Variants in CREB1 observed in about 807,000 individuals in gnomAD.
The protein encoded by CREB1 is cyclic AMP-responsive element-binding protein 1.
CREB1 carries 2 observed loss-of-function variants against 42.0 expected under a neutral mutation model. The observed-to-expected ratio is 0.05, with a 90% CI of 0.02 to 0.15. The LOEUF (loss-of-function observed/expected upper bound fraction) is 0.15, where lower values mean the gene tolerates loss of function less well. CREB1 is among the 10% of genes least tolerant of loss of function. The probability of loss-of-function intolerance (pLI) is 1.00; values close to 1 mark genes in which losing one functional copy is unlikely to be tolerated. For missense variants in CREB1, 199 were observed against 388.9 expected, an observed-to-expected ratio of 0.51 and a Z score of 4.11; for synonymous variants, 123 against 139.9, an observed-to-expected ratio of 0.88 and a Z score of 0.85.
Position 207,603,465 on chromosome 2 carries a change from A to G in CREB1, c.*6407A>G, listed in dbSNP as rs147657658. On this transcript the variant is annotated 3_prime_UTR_variant, in exon 8 of 8. Transcript: ENST00000353267. ...TCTTTTTTGGGGATGGGATCTCTAT[A>G]TTTTGTTGGGTTTTTTTTGCTAGTA... 4.4e-3 allele frequency: 978 copies of G among 224,818 alleles called. 5 individuals are homozygous for G. Among genetic ancestry groups the G allele is most frequent in the African/African-American group, 0.02 (918 of 44,948 alleles). 13.9% of individuals were successfully genotyped at this position (224,818 alleles called of 1,614,324 possible).
chr2:207,575,300 G>A lies in CREB1; in HGVS notation c.534G>A (p.Gln178=). The A allele has an allele frequency of 1.2e-6, 2 of 1,614,010 alleles. No homozygotes were observed. Among genetic ancestry groups the A allele is most frequent in the Non-Finnish European group, 1.7e-6 (2 of 1,179,946 alleles). ...CCATTACCCAGGGAGGAGCAATACA[G>A]CTGGCTAACAATGGTACCGATGGGG... ...YIAITQGGAI[Q]LANNGTDGVQ... The change falls in exon 6 of 8, where the codon CAG becomes CAA. Residue 178 remains glutamine, a synonymous_variant. Transcript: ENST00000353267.
At chr2:207,569,999 G>C (rs763745591) in intron 4 of CREB1, among the ~76,000 whole-genome samples, 180 bp from the exon 5 acceptor site, 36 of 129,824 alleles carry the variant, frequency 2.8e-4, no homozygotes, top group Non-Finnish European at 4.6e-4. Context: ...CCAAGATCGC[G>C]CCACTGCACT....
chr2:207,578,916 G>A (rs529210401), intron 7 of CREB1, among the ~76,000 whole-genome samples: 2 of 151,832 alleles, frequency 1.3e-5, no homozygotes, highest in African/African-American at 2.4e-5. Context: ...TCAACCTCCC[G>A]AGTAGCTGGG....
At chr2:207,578,792 C>CT (rs56965769) in intron 7 of CREB1, among the ~76,000 whole-genome samples, 96 of 146,770 alleles carry the variant, frequency 6.5e-4, no homozygotes, top group Middle Eastern at 3.6e-3. Context: ...AGCCAAGTGA[C>CT]TTTTTTTTTT....
intron 2 of CREB1, among the ~76,000 whole-genome samples, 178 bp downstream of exon 2, chr2:207,555,927 A>C (rs1244266084): frequency 6.6e-6 from 1 of 152,220 alleles, no homozygotes; most frequent in African/African-American, 2.4e-5. Context: ...TTAATTCAAT[A>C]ACAGTAAAAT....
rs2082533981 is a variant in CREB1 at position 207,575,388 on chromosome 2, C to T, written c.622C>T (p.Leu208=). Residue 208 remains leucine, a synonymous_variant, in exon 6 of 8, where the codon CTA becomes TTA. Transcript: ENST00000353267. ...AGCCACTCAGCCGGGTACTACCATTCTACAGTATGCACAGACCACTGATGG... is the reference window on the plus strand; with the variant it reads ...AGCCACTCAGCCGGGTACTACCATTTTACAGTATGCACAGACCACTGATGG... ...AAATQPGTTI[L]QYAQTTDGQQ... is the part of the protein sequence containing the mutation. 1.2e-6 allele frequency: 2 copies of T among 1,614,134 alleles called. No homozygotes were observed. The highest frequency in any genetic ancestry group is 1.7e-6 in the Non-Finnish European group (2 of 1,179,996).
chr2:207,574,776 A>T (rs755548943), intron 5 of CREB1, among the ~76,000 whole-genome samples: 25 of 152,358 alleles, frequency 1.6e-4, no homozygotes, highest in Middle Eastern at 3.4e-3. Flanking sequence ...GTTAGGGAAT[A>T]CAATGCACTG....
At chr2:207,573,328 A>T (rs1293893908) in intron 5 of CREB1, among the ~76,000 whole-genome samples, 2 of 152,258 alleles carry the variant, frequency 1.3e-5, no homozygotes, top group Non-Finnish European at 2.9e-5. Flanking sequence ...ATTAGACTTC[A>T]GTTTCCAAAG....
At chr2:207,581,829 T>C (rs2082994808) in intron 7 of CREB1, 2 of 702,080 alleles carry the variant, frequency 2.8e-6, no homozygotes, top group African/African-American at 1.7e-5. Flanking sequence ...CATTTAATTA[T>C]AGTCTCCTTC....
rs1418667730 is a variant in CREB1, at chr2:207,597,043, C to T, written c.969C>T (p.Cys323=). The T allele has an allele frequency of 3.8e-6, 6 of 1,599,052 alleles. No homozygotes were observed. The highest frequency in any genetic ancestry group is 4.3e-6 in the Non-Finnish European group (5 of 1,175,762). ...TAAAAGCACTTAAGGACCTTTACTG[C>T]CACAAATCAGATTAATTTGGGATTT... ...EELKALKDLY[C]HKSD The change falls in exon 8 of 8, where the codon TGC becomes TGT. Residue 323 remains cysteine (C), a synonymous_variant. Transcript: ENST00000353267.
chr2:207,551,965 C>T (rs1474097917), intron 1 of CREB1, among the ~76,000 whole-genome samples: 1 of 135,560 alleles, frequency 7.4e-6, no homozygotes, highest in African/African-American at 2.7e-5. Context: ...TTGCTTGAAC[C>T]TGGGAGGCGG....
At position 207,577,521 on chromosome 2, in the gene CREB1, A is replaced by G. The variant is rs1423658813; in HGVS notation, c.705A>G (p.Val235=). 3 of 1,614,000 alleles carry G rather than the reference A, an allele frequency of 1.9e-6. No homozygotes were observed. Among genetic ancestry groups the G allele is most frequent in the Non-Finnish European group, 2.5e-6 (3 of 1,179,946 alleles). The stretch of plus-strand genomic sequence containing the variant: ...TTTTTTCAGCTGCCTCTGGAGACGT[A>G]CAAACATACCAGATTCGCACAGCAC... The part of the protein sequence containing the change: ...QVVVQAASGD[V]QTYQIRTAPT... The change falls in exon 7 of 8, where the codon GTA becomes GTG. Residue 235 remains valine, a synonymous_variant. Coordinates refer to ENST00000353267, the MANE Select transcript of CREB1 (RefSeq NM_004379.5).
At chr2:207,547,944 A>T (rs920893923) in intron 1 of CREB1, among the ~76,000 whole-genome samples, 48 of 150,038 alleles carry the variant, frequency 3.2e-4, no homozygotes, top group African/African-American at 6.8e-4. Context: ...TTTTTTTTTT[A>T]AATTGAGATG....
At chr2:207,588,268 T>TTTG (rs1474526250) in intron 7 of CREB1, among the ~76,000 whole-genome samples, 2 of 152,212 alleles carry the variant, frequency 1.3e-5, no homozygotes, top group Non-Finnish European at 2.9e-5. Flanking sequence ...GGAACATCCA[T>TTTG]TTGTTCCAGA....
At chr2:207,590,540 A>G (rs1023229440) in intron 7 of CREB1, among the ~76,000 whole-genome samples, 1 of 151,030 alleles carries the variant, frequency 6.6e-6, no homozygotes, top group African/African-American at 2.4e-5. Flanking sequence ...ATTAACTGTA[A>G]ATTTTTTCCT....
At chr2:207,539,518 A>G (rs1284385711) in intron 1 of CREB1, among the ~76,000 whole-genome samples, 3 of 152,228 alleles carry the variant, frequency 2.0e-5, no homozygotes, top group Non-Finnish European at 4.4e-5. Context: ...TAATCGCAAG[A>G]AAATTTATTC....
Position 207,537,850 on chromosome 2 carries a change from A to G in CREB1, c.-9+7716A>G, listed in dbSNP as rs1172074619. Among the ~76,000 whole-genome samples, 4 of 152,098 alleles carry G rather than the reference A, an allele frequency of 2.6e-5. No homozygotes were observed. The East Asian group carries it at 7.7e-4, about 29-fold the overall frequency. On this transcript the variant is annotated intron_variant, in intron 1 of 7. Transcript: ENST00000353267. ...AAGGCCCTATGAAGATAGGTTTTAC[A>G]GGTTGAGAATCTTTTATCTGAAATT...
intron 1 of CREB1, among the ~76,000 whole-genome samples, chr2:207,553,562 C>G (rs948591181): frequency 6.6e-6 from 1 of 151,962 alleles, no homozygotes; most frequent in African/African-American, 2.4e-5. Context: ...GGTGAATAGG[C>G]AAAATGTAAA....
At chr2:207,582,115 CTT>C (rs762667299) in intron 7 of CREB1, 33 of 702,576 alleles carry the variant, frequency 4.7e-5, no homozygotes, top group Non-Finnish European at 7.8e-5. Flanking sequence ...CCATTTTTCT[CTT>C]TGTCCAGCCC....
Sources: allele counts gnomAD v4.1 joint callset (sites outside exome capture counted in the v4.1 genomes callset), GRCh38; gene constraint gnomAD v4.1.1; transcripts MANE v1.5; gene names NCBI Gene and HGNC (gene_info 2026-07-23, HGNC 2026-07-21).